NF1: variants seen among roughly 807,000 people sequenced by gnomAD.
NF1 encodes neurofibromin 1.
Under a neutral mutation model 325.7 loss-of-function variants are expected in NF1, and 122 were observed. The ratio of observed to expected loss-of-function variants is 0.37; its 90% confidence interval spans 0.32 to 0.44. The LOEUF is 0.44. Among genes scored for constraint, NF1 ranks in the 20% least tolerant of loss-of-function variants. The probability of loss-of-function intolerance (pLI) is 1.00; values close to 1 mark genes in which losing one functional copy is unlikely to be tolerated. For missense variants in NF1, 2,140 were observed against 3,415.4 expected (o/e 0.63, Z 9.31); for synonymous variants, 1,091 against 1,186.0 (o/e 0.92, Z 1.65).
intron 26 of NF1, 46 bp downstream of exon 26, chr17:31,232,927 A>T: frequency 6.2e-7 from 1 of 1,613,652 alleles, no homozygotes; most frequent in Non-Finnish European, 8.5e-7. Context: ...AACCTAGAGA[A>T]CTGGCATGTA....
rs1060500243 is a variant in NF1 at position 31,235,922 on chromosome 17, A to G, written c.3875A>G (p.Tyr1292Cys). 3 of 1,613,112 alleles carry G rather than the reference A, an allele frequency of 1.9e-6. No homozygotes were observed. The highest frequency in any genetic ancestry group is 2.2e-5 in the East Asian group (1 of 44,868). Residue 1292 changes from tyrosine to cysteine, a missense_variant, in exon 29 of 58, where the codon TAT (tyrosine) becomes TGT (cysteine). Physicochemically the swap from Tyr to Cys is radical, Grantham distance 194 (BLOSUM62 -2). Coordinates refer to ENST00000358273, the MANE Select transcript of NF1 (RefSeq NM_001042492.3). ...SKIMTFCFKV[Y>C]GATYLQKLLD... ...CCTATTCGTGCATTTCTGTAGGTATATGGTGCTACCTATCTACAAAAACTC... is the reference window on the plus strand; with the variant it reads ...CCTATTCGTGCATTTCTGTAGGTATGTGGTGCTACCTATCTACAAAAACTC...
chr17:31,356,505 C>T lies in NF1; in HGVS notation c.7661C>T (p.Pro2554Leu), dbSNP rs756138226. Residue 2554 changes from proline (P) to leucine (L), a missense_variant, in exon 52 of 58, where the codon CCT becomes CTT. Physicochemically the swap from Pro to Leu is moderately conservative, Grantham distance 98. Around this residue, in one of 10 missense-constraint regions of NF1, gnomAD observed 522 missense variants for 749.0 expected, o/e 0.70. Transcript: ENST00000358273. The stretch of plus-strand genomic sequence containing the variant: ...CACTTGATATCAGACACAAAGGCTC[C>T]TAAAAGGCAAGAAATGGAATCAGGG... ...FDHLISDTKAPKRQEMESGIT... is the reference protein window; with the variant it reads ...FDHLISDTKALKRQEMESGIT... 3 of 1,613,672 alleles carry T rather than the reference C, an allele frequency of 1.9e-6. No homozygotes were observed. The highest frequency in any genetic ancestry group is 2.5e-6 in the Non-Finnish European group (3 of 1,179,780).
intron 33 of NF1, among the ~76,000 whole-genome samples, chr17:31,259,936 T>C (rs2067654802): frequency 6.6e-6 from 1 of 152,178 alleles, no homozygotes; most frequent in Non-Finnish European, 1.5e-5. Context: ...TGACAAGCCA[T>C]GTTGGAAAGA....
intron 1 of NF1, among the ~76,000 whole-genome samples, chr17:31,099,713 C>T (rs1392956466): frequency 6.6e-6 from 1 of 152,046 alleles, no homozygotes; most frequent in African/African-American, 2.4e-5. Flanking sequence ...GCGCCCACCA[C>T]CACGCCTGCC....
At chr17:31,163,143 G>A (rs768002347) in intron 3 of NF1, 43 bp from the exon 4 acceptor site, 45 of 1,597,068 alleles carry the variant, frequency 2.8e-5, no homozygotes, top group Non-Finnish European at 3.6e-5. Flanking sequence ...AATGTTTACA[G>A]GTAAAATTAA....
At chr17:31,121,354 A>G (rs1914411179) in intron 1 of NF1, among the ~76,000 whole-genome samples, 1 of 151,152 alleles carries the variant, frequency 6.6e-6, no homozygotes, top group African/African-American at 2.4e-5. Flanking sequence ...CATTCATTCA[A>G]CAAATATTTA....
At chr17:31,275,956 T>C (rs968549111) in intron 36 of NF1, among the ~76,000 whole-genome samples, 3 of 152,094 alleles carry the variant, frequency 2.0e-5, no homozygotes, top group African/African-American at 7.2e-5. Context: ...ATGCCTGTAA[T>C]CCCAGCACTT....
At chr17:31,361,391 A>G (rs2070397110) in intron 57 of NF1, 1 of 152,466 alleles carries the variant, frequency 6.6e-6, no homozygotes, top group African/African-American at 2.4e-5. Flanking sequence ...CTCTGGACTT[A>G]TTCAGTGTCA....
chr17:31,368,531 G>A (rs1179478219), intron 57 of NF1, among the ~76,000 whole-genome samples: 6 of 152,126 alleles, frequency 3.9e-5, no homozygotes, highest in Admixed American at 2.6e-4. Flanking sequence ...TGTATTTACT[G>A]TAGCTTAAAA....
chr17:31,268,943 C>T (rs774731709), intron 36 of NF1, among the ~76,000 whole-genome samples: 2 of 151,928 alleles, frequency 1.3e-5, no homozygotes, highest in Non-Finnish European at 2.9e-5. Flanking sequence ...TGGGCTCAAG[C>T]AATCCTCCTG....
intron 1 of NF1, among the ~76,000 whole-genome samples, chr17:31,130,987 G>A (rs1441127664): frequency 6.6e-6 from 1 of 152,142 alleles, no homozygotes; most frequent in Non-Finnish European, 1.5e-5. Flanking sequence ...GCCCCCCCCG[G>A]CAGTACTGCA....
intron 1 of NF1, among the ~76,000 whole-genome samples, chr17:31,138,784 G>A (rs1223933755): frequency 7.4e-5 from 11 of 149,478 alleles, no homozygotes; most frequent in East Asian, 3.9e-4. Flanking sequence ...GGGTTTCACC[G>A]TGTTAGCCAG....
At chr17:31,155,854 A>G (rs2065650675) in intron 1 of NF1, 129 bp from the exon 2 acceptor site, 2 of 1,026,720 alleles carry the variant, frequency 1.9e-6, no homozygotes, top group Non-Finnish European at 2.9e-6. Context: ...GGAGTTTGAG[A>G]TGCAAGTATA....
chr17:31,158,860 A>G, intron 2 of NF1, 150 bp from the exon 3 acceptor site: 1 of 542,920 alleles, frequency 1.8e-6, no homozygotes, highest in Non-Finnish European at 3.3e-6. Flanking sequence ...ATTAGGATAA[A>G]ATCAGAAATA....
chr17:31,155,390 A>G (rs1224035394), intron 1 of NF1, among the ~76,000 whole-genome samples: 3 of 152,102 alleles, frequency 2.0e-5, no homozygotes, highest in East Asian at 3.8e-4. Flanking sequence ...TATCCCTTCA[A>G]TTGTGTAGCT....
rs1052772309 is a variant in NF1, at chr17:31,248,009, C to T, written c.3975-975C>T. 4.6e-5 allele frequency among the ~76,000 whole-genome samples: 7 copies of T among 151,742 alleles called. No homozygotes were observed. The East Asian group carries it at 1.2e-3, about 25-fold the overall frequency. On this transcript the variant is annotated intron_variant, in intron 29 of 57. Transcript: ENST00000358273. ...CTTGAAGTCGGGAGTTTGAGACCAG[C>T]CTGACCAACATGGTGAAACCCTGTC...
Position 31,218,960 on chromosome 17 carries a change from G to A in NF1, c.1528-45G>A, listed in dbSNP as rs562474689. On this transcript the variant is annotated intron_variant, in intron 13 of 57. Coordinates refer to ENST00000358273, the MANE Select transcript of NF1 (RefSeq NM_001042492.3). The stretch of plus-strand genomic sequence containing the variant: ...TTTCTTCCTCCTTCTAATCTCTCTC[G>A]ATTTATTTATTTTTTTAATTGAAGT... The A allele has an allele frequency of 3.2e-5, 48 of 1,490,654 alleles. No homozygotes were observed. The African/African-American group carries it at 3.8e-4, about 12-fold the overall frequency. 92.3% of individuals were successfully genotyped at this position (1,490,654 alleles called of 1,614,324 possible).
intron 50 of NF1, among the ~76,000 whole-genome samples, chr17:31,351,047 A>G (rs1244961712): frequency 1.3e-5 from 2 of 152,168 alleles, no homozygotes; most frequent in Non-Finnish European, 1.5e-5. Context: ...TTTTTCAAAC[A>G]TGGTATTCAA....
At chr17:31,366,603 T>C (rs2070526631) in intron 57 of NF1, among the ~76,000 whole-genome samples, 1 of 152,194 alleles carries the variant, frequency 6.6e-6, no homozygotes, top group Non-Finnish European at 1.5e-5. Context: ...AATATCTCCC[T>C]CTTAGCTGGG....
Sources: gnomAD v4.1 joint callset for allele counts (sites outside exome capture counted in the v4.1 genomes callset) on GRCh38, gnomAD v4.1.1 for gene constraint, gnomAD v4.1.1 regional missense constraint, MANE v1.5 for transcripts, NCBI Gene and HGNC (gene_info 2026-07-23, HGNC 2026-07-21) for gene names.